Variants in MORC4 observed in about 807,000 individuals in gnomAD.
The protein encoded by MORC4 is MORC family CW-type zinc finger protein 4.
A neutral mutation model predicts 65.5 loss-of-function variants in MORC4; 22 were observed. The observed-to-expected ratio is 0.34, with a 90% CI of 0.24 to 0.48. The LOEUF (loss-of-function observed/expected upper bound fraction) is 0.48. Ranked by LOEUF, MORC4 falls within the 20% of genes least tolerant of loss-of-function variation. The pLI, the probability that MORC4 is intolerant of heterozygous loss-of-function variation, is 0.99. For synonymous variants in MORC4, 267 were observed against 255.8 expected (o/e 1.04, Z -0.42); for missense variants, 624 against 703.0 (o/e 0.89, Z 1.27).
intron 9 of MORC4, among the ~76,000 whole-genome samples, chrX:106,969,072 C>G (rs1345401964): frequency 9.0e-6 from 1 of 111,707 alleles, no homozygotes; most frequent in Non-Finnish European, 1.9e-5. Context: ...TAAAATTGAC[C>G]AAGTAATTGG....
At chrX:106,966,071 A>G (rs1934366352) in intron 9 of MORC4, among the ~76,000 whole-genome samples, 1 of 111,919 alleles carries the variant, frequency 8.9e-6, no homozygotes, top group Non-Finnish European at 1.9e-5. Flanking sequence ...AAAATGCAAG[A>G]GGAGAGAGAC....
At chrX:106,982,560 C>T (rs1443663523) in intron 5 of MORC4, among the ~76,000 whole-genome samples, 4 of 111,686 alleles carry the variant, frequency 3.6e-5, no homozygotes, top group Non-Finnish European at 7.5e-5. Flanking sequence ...ATTCTCTATC[C>T]TCCTTGTCCC....
In MORC4 at chrX:106,977,119, A is replaced by G. The variant is rs193119535; in HGVS notation, c.1057-435T>C. ...AATTTTAAGGGTTCTGTGTGATCCTATATTAAAATAAACAATTTTCCCACA... is the reference window on the plus strand; with the variant it reads ...AATTTTAAGGGTTCTGTGTGATCCTGTATTAAAATAAACAATTTTCCCACA... On this transcript the variant is annotated intron_variant, in intron 8 of 16. Transcript: ENST00000355610. 1.6e-4 allele frequency among the ~76,000 whole-genome samples: 18 copies of G among 112,293 alleles called. No homozygotes were observed. The East Asian group carries it at 4.1e-3, about 26-fold the overall frequency.
chrX:106,996,204 T>TA (rs1650917355), intron 2 of MORC4, among the ~76,000 whole-genome samples: 1 of 104,658 alleles, frequency 9.6e-6, no homozygotes, highest in African/African-American at 3.6e-5. Flanking sequence ...TTTTTTTTTT[T>TA]ACAGGAACAC....
At chrX:106,955,216 A>T (rs771727835) in intron 13 of MORC4, 128 bp from the exon 14 acceptor site, 15 of 501,347 alleles carry the variant, frequency 3.0e-5, no homozygotes, top group Middle Eastern at 5.8e-4. Flanking sequence ...TACACAAAAC[A>T]AACAGTGTGC....
rs775843057 is a variant in MORC4 at position 106,943,054 on chromosome X, C to T, written c.1837G>A (p.Asp613Asn). The T allele has an allele frequency of 6.6e-6, 8 of 1,211,496 alleles. No individual in the cohort carries two copies. In the South Asian group the frequency reaches 1.4e-4, roughly 21 times the overall value. The change falls in exon 15 of 17, where the codon GAT becomes AAT. Residue 613 changes from aspartate to asparagine, a missense_variant. By Grantham distance (23) the Asp-to-Asn change is conservative. Coordinates refer to ENST00000355610, the MANE Select transcript of MORC4 (RefSeq NM_024657.5). ...VAYPEGENSH[D>N]KSSSERSTPP... ...GTACTTCTCTCAGAACTCGATTTATCATGGCTGTTCTCCCCTTCTGGGTAG... is the reference window on the plus strand; with the variant it reads ...GTACTTCTCTCAGAACTCGATTTATTATGGCTGTTCTCCCCTTCTGGGTAG...
intron 9 of MORC4, among the ~76,000 whole-genome samples, chrX:106,966,576 T>C (rs1001942659): frequency 4.4e-5 from 5 of 112,839 alleles, no homozygotes; most frequent in Admixed American, 9.3e-5. Context: ...GGTACACTTC[T>C]GCCCAAATAC....
intron 14 of MORC4, 83 bp from the exon 15 acceptor site, chrX:106,943,288 T>C: frequency 1.3e-6 from 1 of 752,305 alleles, no homozygotes; most frequent in Middle Eastern, 4.6e-4. Flanking sequence ...AACTCAAACT[T>C]CCCATATTCA....
At chrX:106,981,215 A>T in intron 6 of MORC4, 130 bp downstream of exon 6, 1 of 852,040 alleles carries the variant, frequency 1.2e-6, no homozygotes, top group Non-Finnish European at 1.7e-6. Flanking sequence ...AATGGAGACA[A>T]TAAAAAGGAA....
intron 14 of MORC4, among the ~76,000 whole-genome samples, chrX:106,951,487 C>T (rs1933966021): frequency 9.0e-6 from 1 of 110,614 alleles, no homozygotes; most frequent in African/African-American, 3.3e-5. Context: ...CCTCCCACCT[C>T]AGCCTCCAGA....
intron 14 of MORC4, among the ~76,000 whole-genome samples, chrX:106,951,853 G>A (rs746059996): frequency 2.4e-3 from 261 of 107,924 alleles, no homozygotes; most frequent in Non-Finnish European, 3.7e-3. Flanking sequence ...AAAATTAGCC[G>A]GGCGTGGTGG....
chrX:106,972,317 G>C (rs759377511), intron 9 of MORC4, among the ~76,000 whole-genome samples: 155 of 110,662 alleles, frequency 1.4e-3, no homozygotes, highest in African/African-American at 4.8e-3. Flanking sequence ...AGGCCTGTAG[G>C]GGGTGGGAAG....
At chrX:106,944,124 G>T (rs1933766424) in intron 14 of MORC4, among the ~76,000 whole-genome samples, 1 of 112,282 alleles carries the variant, frequency 8.9e-6, no homozygotes, top group Admixed American at 9.4e-5. Context: ...TCAGACATAT[G>T]ATTTGCCACC....
intron 2 of MORC4, among the ~76,000 whole-genome samples, chrX:106,998,299 C>T (rs1479759062): frequency 1.8e-5 from 2 of 112,198 alleles, no homozygotes; most frequent in African/African-American, 3.2e-5. Context: ...AATACATACA[C>T]ATACTCGCGC....
At chrX:106,950,689 G>C (rs1430721043) in intron 14 of MORC4, among the ~76,000 whole-genome samples, 4 of 111,704 alleles carry the variant, frequency 3.6e-5, no homozygotes, top group African/African-American at 9.8e-5. Context: ...CAGTCTTCGT[G>C]GATCTGCCTG....
At chrX:106,974,440 T>C (rs1934582147) in intron 9 of MORC4, among the ~76,000 whole-genome samples, 1 of 111,615 alleles carries the variant, frequency 9.0e-6, no homozygotes, top group Non-Finnish European at 1.9e-5. Context: ...ATGCTACAAT[T>C]CCATCCTAGA....
chrX:106,941,902 C>T (rs1933693518), intron 16 of MORC4, 36 bp downstream of exon 16: 1 of 1,167,605 alleles, frequency 8.6e-7, no homozygotes, highest in South Asian at 2.0e-5. Flanking sequence ...TTCCCATTAG[C>T]ACTCACAAGC....
In MORC4 at chrX:106,999,914, G is replaced by C; in HGVS notation, c.56C>G (p.Ala19Gly). ...AGPGAPGCGL[A>G]RPGGGPQAFG... ...GGCCTGCGGGCCGCCGCCGGGCCGG[G>C]CCAGCCCGCAGCCCGGCGCGCCAGG... Residue 19 changes from alanine to glycine, a missense_variant, in exon 1 of 17, where the codon GCC becomes GGC. Transcript: ENST00000355610. 1 of 837,520 alleles carries C rather than the reference G, an allele frequency of 1.2e-6. No homozygotes were observed. 69.0% of individuals were successfully genotyped at this position (837,520 alleles called of 1,213,427 possible).
rs1935012903 is a variant in MORC4, at chrX:106,993,271, A to G, written c.267T>C (p.Asp89=). ...KNKSCLTFTD[D]GCGMTPHKLH... ...GTTTATGAGGTGTCATCCCACATCC[A>G]TCATCGGTAAAGGTCAAACAAGATT... The change falls in exon 3 of 17, where the codon GAT becomes GAC. Residue 89 remains aspartate, a synonymous_variant. Transcript: ENST00000355610. 1 of 1,210,410 alleles carries G rather than the reference A, an allele frequency of 8.3e-7. No individual in the cohort carries two copies. Among genetic ancestry groups the G allele is most frequent in the Non-Finnish European group, 1.1e-6 (1 of 894,124 alleles).
Sources: gnomAD v4.1 joint callset for allele counts (sites outside exome capture counted in the v4.1 genomes callset) on GRCh38, gnomAD v4.1.1 for gene constraint, MANE v1.5 for transcripts, NCBI Gene and HGNC (gene_info 2026-07-23, HGNC 2026-07-21) for gene names.